The following ESR1 variants were observed in gnomAD, a reference collection of about 807,000 sequenced individuals.
ESR1 encodes the protein estrogen receptor.
A neutral mutation model predicts 52.7 loss-of-function variants in ESR1; 12 were observed. That is an observed-to-expected ratio of 0.23 (90% CI 0.15 to 0.37). ESR1 has a LOEUF of 0.37. Ranked by LOEUF, ESR1 falls within the 10% of genes least tolerant of loss-of-function variation. The pLI is 1.00. For synonymous variants in ESR1, 305 were observed against 316.8 expected, an observed-to-expected ratio of 0.96 and a Z score of 0.39; for missense variants, 584 against 779.7, an observed-to-expected ratio of 0.75 and a Z score of 2.99.
chr6:151,782,879 G>A (rs1307869049), intron 2 of ESR1, among the ~76,000 whole-genome samples: 1 of 152,258 alleles, frequency 6.6e-6, no homozygotes, highest in African/African-American at 2.4e-5. Flanking sequence ...CTCCACATCT[G>A]CTCACTAAAA....
At chr6:151,763,246 T>C (rs2128099205) in intron 2 of ESR1, among the ~76,000 whole-genome samples, 1 of 151,962 alleles carries the variant, frequency 6.6e-6, no homozygotes. Flanking sequence ...TGCATCCTTG[T>C]CACTACCTGC....
At position 151,807,923 on chromosome 6, in the gene ESR1, C is replaced by A. The variant is rs2128155194; in HGVS notation, c.11C>A (p.Thr4Asn). 1 of 1,613,850 alleles carries A rather than the reference C, an allele frequency of 6.2e-7. No individual in the cohort carries two copies. Among genetic ancestry groups the A allele is most frequent in the Non-Finnish European group, 8.5e-7 (1 of 1,179,914 alleles). Residue 4 changes from threonine to asparagine, a missense_variant, in exon 1 of 8, where the codon ACC (threonine) becomes AAC (asparagine). Thr to Asn is a moderately conservative substitution (Grantham distance 65). Around this residue, in one of 6 missense-constraint regions of ESR1, gnomAD observed 251 missense variants for 246.1 expected, o/e 1.02. Coordinates refer to ENST00000206249, the MANE Select transcript of ESR1 (RefSeq NM_000125.4). Reference protein sequence around the residue: MTMTLHTKASGMAL... With the variant: MTMNLHTKASGMAL... ...CCGCGGCCACGGACCATGACCATGACCCTCCACACCAAAGCATCTGGGATG... is the reference window on the plus strand; with the variant it reads ...CCGCGGCCACGGACCATGACCATGAACCTCCACACCAAAGCATCTGGGATG...
intron 2 of ESR1, among the ~76,000 whole-genome samples, chr6:151,848,804 T>A (rs915852555): frequency 6.6e-6 from 1 of 152,182 alleles, no homozygotes; most frequent in African/African-American, 2.4e-5. Flanking sequence ...ATTAATCAGG[T>A]CCTATGGTCT....
At chr6:152,060,915 C>A (rs1002145925) in intron 5 of ESR1, 76 bp from the exon 6 acceptor site, 2 of 1,189,596 alleles carry the variant, frequency 1.7e-6, no homozygotes, top group Non-Finnish European at 2.4e-6. Context: ...GAATGTGAAC[C>A]CTTTCATGTC....
chr6:152,125,125 G>C, intron 6 of ESR1: 1 of 927,190 alleles, frequency 1.1e-6, no homozygotes, highest in Admixed American at 3.0e-5. Flanking sequence ...ACTTGCTTCA[G>C]ATTCTACAGT....
intron 3 of ESR1, among the ~76,000 whole-genome samples, chr6:151,930,269 G>A (rs1271383914): frequency 6.6e-6 from 1 of 152,152 alleles, no homozygotes; most frequent in East Asian, 1.9e-4. Flanking sequence ...ACAGGAGTGA[G>A]CCACCGCACC....
At chr6:151,920,902 A>G (rs2031520118) in intron 3 of ESR1, among the ~76,000 whole-genome samples, 1 of 152,118 alleles carries the variant, frequency 6.6e-6, no homozygotes, top group African/African-American at 2.4e-5. Flanking sequence ...TTTTTGGAAG[A>G]AGCCATTTTG....
chr6:152,113,398 G>A (rs2152514073), intron 6 of ESR1, among the ~76,000 whole-genome samples: 1 of 152,280 alleles, frequency 6.6e-6, no homozygotes, highest in East Asian at 1.9e-4. Context: ...CCTGGAAAGG[G>A]AGGGCCTGGG....
At chr6:151,899,762 C>T (rs1343293075) in intron 3 of ESR1, among the ~76,000 whole-genome samples, 32 of 147,810 alleles carry the variant, frequency 2.2e-4, no homozygotes, top group Non-Finnish European at 3.9e-4. Context: ...CCAGACGGGG[C>T]GGCAGGGCAG....
intron 2 of ESR1, among the ~76,000 whole-genome samples, chr6:151,772,769 C>T (rs1785624246): frequency 6.6e-6 from 1 of 152,068 alleles, no homozygotes; most frequent in South Asian, 2.1e-4. Context: ...TTTGTAAATG[C>T]TAAAGGACTG....
chr6:151,772,229 C>A (rs149458649), intron 2 of ESR1, among the ~76,000 whole-genome samples: 28 of 152,188 alleles, frequency 1.8e-4, no homozygotes, highest in African/African-American at 6.3e-4. Context: ...AAGTGAGGTA[C>A]CTGTAGGGGT....
intron 7 of ESR1, among the ~76,000 whole-genome samples, chr6:152,095,948 GTCTT>G (rs2050576943): frequency 6.6e-6 from 1 of 152,184 alleles, no homozygotes; most frequent in African/African-American, 2.4e-5. Flanking sequence ...ACAAAATAGA[GTCTT>G]TCTATGCCAA....
In ESR1 at chr6:151,873,971, T is replaced by C. The variant is rs183676112; in HGVS notation, c.644-6684T>C. On this transcript the variant is annotated intron_variant, in intron 2 of 7. Coordinates refer to ENST00000206249, the MANE Select transcript of ESR1 (RefSeq NM_000125.4). Reference sequence around the variant, plus strand: ...GCTACATTTATGGGTCAATCGGGTATAAAAAATAGGACTTCGAAAATAAAA... The same window carrying C: ...GCTACATTTATGGGTCAATCGGGTACAAAAAATAGGACTTCGAAAATAAAA... 2.0e-5 allele frequency among the ~76,000 whole-genome samples: 3 copies of C among 152,324 alleles called. No homozygotes were observed. The East Asian group carries it at 5.8e-4, about 29-fold the overall frequency.
intron 3 of ESR1, 82 bp downstream of exon 3, chr6:151,880,853 TG>T: frequency 1.3e-6 from 1 of 754,246 alleles, no homozygotes; most frequent in Non-Finnish European, 2.4e-6. Flanking sequence ...AATAACACCA[TG>T]GGAATTTTGT....
chr6:152,103,285 T>C (rs2051015298), downstream of ESR1: 1 of 177,556 alleles, frequency 5.6e-6, no homozygotes, highest in East Asian at 9.5e-5. Flanking sequence ...GACAACGAGT[T>C]TGTTTTTTGT....
intron 5 of ESR1, among the ~76,000 whole-genome samples, chr6:152,039,022 C>T (rs2045565170): frequency 6.6e-6 from 1 of 152,188 alleles, no homozygotes; most frequent in South Asian, 2.1e-4. Flanking sequence ...TGTATACAGG[C>T]AGAAAGATGT....
chr6:151,974,978 G>A (rs1343464301), intron 4 of ESR1, among the ~76,000 whole-genome samples: 1 of 152,144 alleles, frequency 6.6e-6, no homozygotes, highest in Non-Finnish European at 1.5e-5. Flanking sequence ...GCTCTGCTGA[G>A]CAAGATTAAA....
chr6:152,122,383 T>C, intron 6 of ESR1: 1 of 1,613,246 alleles, frequency 6.2e-7, no homozygotes, highest in Non-Finnish European at 8.5e-7. Flanking sequence ...GGATTGCTTA[T>C]GACCCGATCC....
intron 2 of ESR1, among the ~76,000 whole-genome samples, chr6:151,850,108 A>ATATATATTATTTTATATG (rs1491263524): frequency 3.6e-5 from 1 of 27,540 alleles, no homozygotes; most frequent in South Asian, 8.4e-4. Context: ...ATATATATAT[A>ATATATATTATTTTATATG]CAAAATTATA....
Sources: gnomAD v4.1 joint callset for allele counts (sites outside exome capture counted in the v4.1 genomes callset) on GRCh38, gnomAD v4.1.1 for gene constraint, gnomAD v4.1.1 regional missense constraint, MANE v1.5 for transcripts, NCBI Gene and HGNC (gene_info 2026-07-23, HGNC 2026-07-21) for gene names.